MLLT1: variants seen among roughly 807,000 people sequenced by gnomAD.
MLLT1 encodes the protein protein ENL.
Under a neutral mutation model 55.1 loss-of-function variants are expected in MLLT1, and 11 were observed. The observed-to-expected ratio is 0.20, with a 90% CI of 0.13 to 0.33. The LOEUF is 0.33. Among genes scored for constraint, MLLT1 ranks in the 10% least tolerant of loss-of-function variants. The pLI is 1.00. For synonymous variants in MLLT1, 323 were observed against 320.1 expected (o/e 1.01, Z -0.10); for missense variants, 536 against 760.6 (o/e 0.70, Z 3.47).
intron 2 of MLLT1, among the ~76,000 whole-genome samples, chr19:6,268,481 C>G (rs2091367575): frequency 6.6e-6 from 1 of 152,200 alleles, no homozygotes; most frequent in African/African-American, 2.4e-5. Flanking sequence ...AGGCCAGGAA[C>G]AGCAACTTTG....
chr19:6,239,324 G>A (rs2091093109), intron 3 of MLLT1, among the ~76,000 whole-genome samples: 1 of 152,222 alleles, frequency 6.6e-6, no homozygotes, highest in Admixed American at 6.5e-5. Context: ...AATACCCACA[G>A]AGTATAAACC....
At chr19:6,220,051 G>C (rs1440304058) in intron 6 of MLLT1, among the ~76,000 whole-genome samples, 1 of 152,240 alleles carries the variant, frequency 6.6e-6, no homozygotes, top group Non-Finnish European at 1.5e-5. Context: ...CAAGGGCCAG[G>C]GAGACCCCAA....
chr19:6,247,287 T>C (rs2091177653), intron 3 of MLLT1, among the ~76,000 whole-genome samples: 1 of 152,190 alleles, frequency 6.6e-6, no homozygotes, highest in Non-Finnish European at 1.5e-5. Context: ...TCTTGGCTTT[T>C]AAATACCATT....
chr19:6,277,701 C>A (rs910265855), intron 1 of MLLT1, among the ~76,000 whole-genome samples: 15 of 152,136 alleles, frequency 9.9e-5, no homozygotes, highest in African/African-American at 3.6e-4. Flanking sequence ...GGAACAGACA[C>A]GCTTCGGCCT....
rs932560618 is a variant in MLLT1 at position 6,276,739 on chromosome 19, C to T, written c.12+3034G>A. Among the ~76,000 whole-genome samples the T allele has an allele frequency of 2.6e-5, 4 of 152,278 alleles. No homozygotes were observed. In the South Asian group the frequency reaches 8.3e-4, roughly 32 times the overall value. Reference sequence around the variant, plus strand: ...TTAAGTGAGCAGGGAACTCGCTCATCCCCCTGCCAAAAAAAATACAAATAC... The same window carrying T: ...TTAAGTGAGCAGGGAACTCGCTCATTCCCCTGCCAAAAAAAATACAAATAC... On this transcript the variant is annotated intron_variant, in intron 1 of 11. Transcript: ENST00000252674.
In MLLT1 at chr19:6,273,046, GAGGGCAGGGACTCCCTAGGGACCAGGCA is replaced by G. The variant is rs2091407270; in HGVS notation, c.13-2315_13-2288del. 7.9e-5 allele frequency among the ~76,000 whole-genome samples: 12 copies of G among 152,306 alleles called. No homozygotes were observed. In the South Asian group the frequency reaches 2.3e-3, roughly 29 times the overall value. On this transcript the variant is annotated intron_variant, in intron 1 of 11. Coordinates refer to ENST00000252674, the MANE Select transcript of MLLT1 (RefSeq NM_005934.4). The surrounding 1 kb of genome is among the most constrained non-coding windows in gnomAD (Gnocchi z 4.3). ...GTCCCTCTGGAGTTCCCTGGGAAAA[GAGGGCAGGGACTCCCTAGGGACCAGGCA>G]CACTGCAGGGGGTGCCTGGGATCAG...
In MLLT1 at chr19:6,210,841, T is replaced by TC. The variant is rs1007974812; in HGVS notation, c.*2200dup. The TC allele has an allele frequency of 9.6e-5, 22 of 229,744 alleles. No individual in the cohort carries two copies. The South Asian group carries it at 4.0e-3, about 42-fold the overall frequency. 14.2% of individuals were successfully genotyped at this position (229,744 alleles called of 1,614,324 possible). ...TTGGGAGCCCATGCTGCCCAGCACG[T>TC]CCATCAGGTGGTCACGGAGCCAGCC... On this transcript the variant is annotated 3_prime_UTR_variant, in exon 12 of 12. Transcript: ENST00000252674. The surrounding 1 kb of genome is among the most constrained non-coding windows in gnomAD (Gnocchi z 4.6).
chr19:6,221,285 T>A (rs1486530271), intron 6 of MLLT1, among the ~76,000 whole-genome samples: 1 of 152,158 alleles, frequency 6.6e-6, no homozygotes, highest in East Asian at 1.9e-4. Context: ...CCGGGCCCAG[T>A]GTCTGTTGTC....
intron 3 of MLLT1, among the ~76,000 whole-genome samples, chr19:6,251,442 C>T (rs1216124351): frequency 3.3e-5 from 5 of 152,100 alleles, no homozygotes; most frequent in Non-Finnish European, 5.9e-5. Flanking sequence ...AGACGCCAGA[C>T]GAGAACAAAA....
chr19:6,262,656 G>A lies in MLLT1; in HGVS notation c.194-346C>T, dbSNP rs943420812. On this transcript the variant is annotated intron_variant, in intron 2 of 11. Coordinates refer to ENST00000252674, the MANE Select transcript of MLLT1 (RefSeq NM_005934.4). The surrounding 1 kb of genome is among the most constrained non-coding windows in gnomAD (Gnocchi z 4.4). ...TGCACAAGTTTGCCCGACTCAGGTGGATGTCGGTAAGCGTGACCTGGGTGA... is the reference window on the plus strand; with the variant it reads ...TGCACAAGTTTGCCCGACTCAGGTGAATGTCGGTAAGCGTGACCTGGGTGA... 1.3e-5 allele frequency among the ~76,000 whole-genome samples: 2 copies of A among 152,124 alleles called. No homozygotes were observed. The highest frequency in any genetic ancestry group is 4.8e-5 in the African/African-American group (2 of 41,408).
Position 6,222,656 on chromosome 19 carries a change from G to A in MLLT1, c.575C>T (p.Ser192Phe). ...CTCCTTGGTCACCTTGTGTGGCTTG[G>A]AGGTCTTGCTGCTCTCCTTGTTGGC... The part of the protein sequence containing the change: ...KDANKESSKT[S>F]KPHKVTKEHR... Residue 192 changes from serine to phenylalanine, a missense_variant, in exon 6 of 12, where the codon TCC becomes TTC. Around this residue, in one of 3 missense-constraint regions of MLLT1, gnomAD observed 449 missense variants for 489.0 expected, o/e 0.92. Coordinates refer to ENST00000252674, the MANE Select transcript of MLLT1 (RefSeq NM_005934.4). This position sits in a 1 kb window ranked among gnomAD's most constrained non-coding sequence, Gnocchi z 4.1. 1 of 1,558,788 alleles carries A rather than the reference G, an allele frequency of 6.4e-7. No individual in the cohort carries two copies. Among genetic ancestry groups the A allele is most frequent in the Non-Finnish European group, 8.6e-7 (1 of 1,156,072 alleles).
rs1600170003 is a variant in MLLT1 at position 6,216,378 on chromosome 19, GCCCCCTGGCTCCCACC to G, written c.1307+11_1307+26del. On this transcript the variant is annotated intron_variant, in intron 8 of 11. Transcript: ENST00000252674. ...GGAGTCGCCCCGGGTGGCCGCCTCC[GCCCCCTGGCTCCCACC>G]GGGCCGTCACCTGGAGTCCCTCCCC... 1.9e-6 allele frequency: 3 copies of G among 1,551,794 alleles called. No homozygotes were observed. The East Asian group carries it at 7.0e-5, about 36-fold the overall frequency.
At chr19:6,264,712 C>T (rs2091332531) in intron 2 of MLLT1, among the ~76,000 whole-genome samples, 1 of 151,630 alleles carries the variant, frequency 6.6e-6, no homozygotes, top group Non-Finnish European at 1.5e-5. Context: ...TCAAGGCCAA[C>T]CTGGATGACA....
At chr19:6,272,739 C>G (rs2091405268) in intron 1 of MLLT1, among the ~76,000 whole-genome samples, 1 of 152,202 alleles carries the variant, frequency 6.6e-6, no homozygotes, top group East Asian at 1.9e-4. Flanking sequence ...CCTCTCAGGT[C>G]AGGGAGTTCT....
Position 6,261,916 on chromosome 19 carries a change from C to T in MLLT1, c.276+312G>A, listed in dbSNP as rs561120657. Among the ~76,000 whole-genome samples the T allele has an allele frequency of 3.9e-5, 6 of 152,248 alleles. No homozygotes were observed. In the South Asian group the frequency reaches 6.2e-4, roughly 16 times the overall value. On this transcript the variant is annotated intron_variant, in intron 3 of 11. Coordinates refer to ENST00000252674, the MANE Select transcript of MLLT1 (RefSeq NM_005934.4). ...CCGGTTATTAACCCTCTAGGACCGT[C>T]GAGGAAGCTGGCCCTGACAGGGGAT...
At chr19:6,233,784 T>C (rs2144883936) in intron 3 of MLLT1, among the ~76,000 whole-genome samples, 1 of 152,304 alleles carries the variant, frequency 6.6e-6, no homozygotes, top group African/African-American at 2.4e-5. Flanking sequence ...CAACTGAATG[T>C]ATCCCTAACC....
chr19:6,262,577 G>C lies in MLLT1; in HGVS notation c.194-267C>G, dbSNP rs1437140830. 6.6e-6 allele frequency among the ~76,000 whole-genome samples: 1 copy of C among 152,222 alleles called. No homozygotes were observed. Among genetic ancestry groups the C allele is most frequent in the Non-Finnish European group, 1.5e-5 (1 of 68,032 alleles). On this transcript the variant is annotated intron_variant, in intron 2 of 11. Transcript: ENST00000252674. This position sits in a 1 kb window ranked among gnomAD's most constrained non-coding sequence, Gnocchi z 4.4. ...AGAGAGTGAGAAGGAACGTTAGCCT[G>C]TCATCGGGATACTTGCTCCTGCAGA...
At chr19:6,220,620 C>T (rs1480259660) in intron 6 of MLLT1, among the ~76,000 whole-genome samples, 3 of 152,248 alleles carry the variant, frequency 2.0e-5, no homozygotes, top group Non-Finnish European at 2.9e-5. Flanking sequence ...CGGAGTGGAG[C>T]GGGCCGTGGA....
chr19:6,222,287 G>T lies in MLLT1; in HGVS notation c.944C>A (p.Ser315Ter). 6.2e-7 allele frequency: 1 copy of T among 1,609,928 alleles called. No individual in the cohort carries two copies. The highest frequency in any genetic ancestry group is 8.5e-7 in the Non-Finnish European group (1 of 1,178,458). ...GGAGGAGGAGGAGGAGGTGCGGGGC[G>T]AGGTGCCTGGAGCACTCCGGGACCC... ...SKGSRSAPGT[S>*]PRTSSSSSFS... Residue 315 changes from serine (S) to a stop codon, truncating the protein, a stop_gained, in exon 6 of 12, where the codon TCG (serine) becomes TAG (stop). Coordinates refer to ENST00000252674, the MANE Select transcript of MLLT1 (RefSeq NM_005934.4). LOFTEE classifies it high-confidence loss of function. This position sits in a 1 kb window ranked among gnomAD's most constrained non-coding sequence, Gnocchi z 4.1.
Sources: gnomAD v4.1 joint callset for allele counts (sites outside exome capture counted in the v4.1 genomes callset) on GRCh38, gnomAD v4.1.1 for gene constraint, gnomAD v4.1.1 regional missense constraint, Gnocchi (gnomAD v3.1) non-coding constraint, MANE v1.5 for transcripts, NCBI Gene and HGNC (gene_info 2026-07-23, HGNC 2026-07-21) for gene names.